ANK3: variants seen among roughly 807,000 people sequenced by gnomAD.
ANK3 encodes ankyrin-3.
A neutral mutation model predicts 370.9 loss-of-function variants in ANK3; 57 were observed. That is an observed-to-expected ratio of 0.15 (90% CI 0.12 to 0.19). The LOEUF (loss-of-function observed/expected upper bound fraction) is 0.19. ANK3 is among the 10% of genes least tolerant of loss of function. The pLI is 1.00. For missense variants in ANK3, 4,439 were observed against 5,302.1 expected (o/e 0.84, Z 5.06); for synonymous variants, 1,929 against 1,946.3 (o/e 0.99, Z 0.23).
At chr10:60,549,165 A>G in intron 2 of ANK3, among the ~76,000 whole-genome samples, 1 of 151,956 alleles carries the variant, frequency 6.6e-6, no homozygotes, top group African/African-American at 2.4e-5. Context: ...ACACACACAC[A>G]CACACACACA....
At chr10:60,313,928 GTT>G (rs760802914) in intron 1 of ANK3, among the ~76,000 whole-genome samples, 14 of 132,066 alleles carry the variant, frequency 1.1e-4, no homozygotes, top group African/African-American at 1.4e-4. Flanking sequence ...TTTTGTTTTT[GTT>G]TTTTTTTTTT....
At chr10:60,215,757 G>T (rs2096926839) in intron 8 of ANK3, among the ~76,000 whole-genome samples, 1 of 152,184 alleles carries the variant, frequency 6.6e-6, no homozygotes, top group Non-Finnish European at 1.5e-5. Context: ...TAGCCTTGTA[G>T]TGTAGTTTGA....
intron 18 of ANK3, among the ~76,000 whole-genome samples, chr10:60,177,143 T>C (rs924673185): frequency 3.9e-5 from 6 of 152,192 alleles, no homozygotes; most frequent in Non-Finnish European, 7.4e-5. Flanking sequence ...GACAGCCCTA[T>C]CATATTCTTT....
intron 7 of ANK3, among the ~76,000 whole-genome samples, chr10:60,254,442 C>G (rs984842083): frequency 1.3e-5 from 2 of 152,202 alleles, no homozygotes; most frequent in Non-Finnish European, 2.9e-5. Context: ...CACCTCCTCT[C>G]CATGCTCCAG....
chr10:60,206,568 T>G (rs916874669), intron 10 of ANK3, among the ~76,000 whole-genome samples: 3 of 141,156 alleles, frequency 2.1e-5, no homozygotes, highest in Non-Finnish European at 4.4e-5. Context: ...ACAGCTCCAC[T>G]TCACCAAGGT....
chr10:60,613,812 G>T (rs573369665), intron 2 of ANK3, among the ~76,000 whole-genome samples: 1 of 152,090 alleles, frequency 6.6e-6, no homozygotes, highest in Non-Finnish European at 1.5e-5. Flanking sequence ...CATGGCTCAC[G>T]CCTGTAATCC....
chr10:60,037,219 C>T (rs759998355), intron 43 of ANK3, among the ~76,000 whole-genome samples: 1 of 152,106 alleles, frequency 6.6e-6, no homozygotes, highest in African/African-American at 2.4e-5. Flanking sequence ...TTCTTGTCCC[C>T]CTATCCATTC....
intron 8 of ANK3, among the ~76,000 whole-genome samples, chr10:60,232,519 C>T (rs1291375284): frequency 2.6e-5 from 4 of 152,156 alleles, no homozygotes; most frequent in African/African-American, 9.7e-5. Context: ...CTGATAATTG[C>T]TTCTTACTGG....
chr10:60,073,172 T>G lies in ANK3; in HGVS notation c.7709A>C (p.Lys2570Thr). 6.2e-7 allele frequency: 1 copy of G among 1,614,152 alleles called. No homozygotes were observed. The highest frequency in any genetic ancestry group is 8.5e-7 in the Non-Finnish European group (1 of 1,180,004). ...TEDRLDRGREKLIYEDRVDRT... is the reference protein window; with the variant it reads ...TEDRLDRGRETLIYEDRVDRT... ...GTCCACCCTATCTTCATATATCAAC[T>G]TCTCTCTACCTCTGTCTAATCTGTC... The change falls in exon 37 of 44, where the codon AAG becomes ACG. Residue 2570 changes from lysine to threonine, a missense_variant. This residue lies in a region of ANK3 where 1,601 missense variants were observed against 1,731.7 expected (regional missense o/e 0.92). Transcript: ENST00000280772.
At chr10:60,457,033 C>T (rs1325375979) in intron 2 of ANK3, among the ~76,000 whole-genome samples, 2 of 152,076 alleles carry the variant, frequency 1.3e-5, no homozygotes, top group African/African-American at 4.8e-5. Context: ...GGTGGGTCTC[C>T]ATTCCTGGAG....
At chr10:60,177,940 C>T (rs2096024964) in intron 18 of ANK3, among the ~76,000 whole-genome samples, 1 of 152,150 alleles carries the variant, frequency 6.6e-6, no homozygotes, top group Non-Finnish European at 1.5e-5. Flanking sequence ...TCTCATCTGC[C>T]ACTTAGTTCA....
At chr10:60,367,656 G>T (rs1330139081) in intron 1 of ANK3, among the ~76,000 whole-genome samples, 1 of 152,166 alleles carries the variant, frequency 6.6e-6, no homozygotes, top group Non-Finnish European at 1.5e-5. Flanking sequence ...AGGTGATTAG[G>T]CTGGTAGGGT....
chr10:60,422,661 C>A (rs1291645445), intron 2 of ANK3, among the ~76,000 whole-genome samples: 1 of 152,040 alleles, frequency 6.6e-6, no homozygotes, highest in Non-Finnish European at 1.5e-5. Flanking sequence ...TAGCCTATTT[C>A]TTTTTTCCCT....
At chr10:60,112,477 A>G (rs1296119816) in intron 26 of ANK3, among the ~76,000 whole-genome samples, 1 of 152,218 alleles carries the variant, frequency 6.6e-6, no homozygotes, top group Non-Finnish European at 1.5e-5. Context: ...AAGAAATGCA[A>G]TGTTACTAAC....
At chr10:60,099,662 C>A (rs766122572) in intron 28 of ANK3, among the ~76,000 whole-genome samples, 9 of 152,128 alleles carry the variant, frequency 5.9e-5, no homozygotes, top group Non-Finnish European at 1.3e-4. Flanking sequence ...ACTTTTTTCA[C>A]CCCATTGTTT....
intron 1 of ANK3, among the ~76,000 whole-genome samples, chr10:60,332,353 T>A (rs2051558788): frequency 1.3e-5 from 2 of 152,240 alleles, no homozygotes; most frequent in Admixed American, 6.5e-5. Context: ...ACACAATTTC[T>A]TTTTAGAAGC....
intron 2 of ANK3, among the ~76,000 whole-genome samples, chr10:60,506,713 A>G (rs2075950348): frequency 1.3e-5 from 2 of 152,070 alleles, no homozygotes; most frequent in South Asian, 4.1e-4. Flanking sequence ...TGAGATTTTA[A>G]TTTCTGATGA....
At chr10:60,719,284 C>T (rs892670262) in intron 1 of ANK3, among the ~76,000 whole-genome samples, 4 of 152,096 alleles carry the variant, frequency 2.6e-5, no homozygotes, top group African/African-American at 9.7e-5. Context: ...TTTTGCTTTA[C>T]AAACACTGTT....
chr10:60,681,265 A>G (rs994726560), intron 1 of ANK3, among the ~76,000 whole-genome samples: 5 of 152,204 alleles, frequency 3.3e-5, no homozygotes, highest in African/African-American at 1.2e-4. Flanking sequence ...ATCATGTGGC[A>G]AAGTCCTTAA....
Sources: gnomAD v4.1 joint callset for allele counts (sites outside exome capture counted in the v4.1 genomes callset) on GRCh38, gnomAD v4.1.1 for gene constraint, gnomAD v4.1.1 regional missense constraint, MANE v1.5 for transcripts, NCBI Gene and HGNC (gene_info 2026-07-23, HGNC 2026-07-21) for gene names.